The following COL24A1 variants were observed in gnomAD, a reference collection of about 807,000 sequenced individuals.
COL24A1 encodes the protein collagen type XXIV alpha 1 chain, also known as collagen alpha-1(XXIV) chain.
Under a neutral mutation model 253.9 loss-of-function variants are expected in COL24A1, and 224 were observed. The ratio of observed to expected loss-of-function variants is 0.88; its 90% CI spans 0.79 to 0.99. The LOEUF (loss-of-function observed/expected upper bound fraction) is 0.99. COL24A1 is among the 50% of genes least tolerant of loss of function. The probability of loss-of-function intolerance (pLI) is 0.00; values close to 1 mark genes in which losing one functional copy is unlikely to be tolerated. For synonymous variants in COL24A1, 685 were observed against 673.7 expected, an observed-to-expected ratio of 1.02 and a Z score of -0.26; for missense variants, 2,131 against 2,068.5, an observed-to-expected ratio of 1.03 and a Z score of -0.59.
intron 24 of COL24A1, among the ~76,000 whole-genome samples, chr1:85,960,243 TATCTA>T (rs1690890994): frequency 6.6e-6 from 1 of 152,206 alleles, no homozygotes; most frequent in Non-Finnish European, 1.5e-5. Flanking sequence ...GAAATAATAT[TATCTA>T]TTTTGTGACA....
At chr1:86,048,984 T>G (rs1700113156) in intron 11 of COL24A1, among the ~76,000 whole-genome samples, 1 of 152,198 alleles carries the variant, frequency 6.6e-6, no homozygotes, top group Non-Finnish European at 1.5e-5. Flanking sequence ...AGAAAAGGAT[T>G]GTTATCACGA....
chr1:85,754,550 T>A (rs11485261), intron 55 of COL24A1, among the ~76,000 whole-genome samples: 445 of 110,752 alleles, frequency 4.0e-3, no homozygotes, highest in East Asian at 4.7e-3. Flanking sequence ...AAAAAAAAAT[T>A]AAAAAAAAAA....
intron 37 of COL24A1, among the ~76,000 whole-genome samples, chr1:85,867,114 TTTG>T (rs1418437016): frequency 6.6e-6 from 1 of 152,212 alleles, no homozygotes; most frequent in Non-Finnish European, 1.5e-5. Flanking sequence ...ATTTAAGATA[TTTG>T]TTGTTTTCTT....
intron 57 of COL24A1, among the ~76,000 whole-genome samples, chr1:85,738,891 T>C (rs1030236150): frequency 7.2e-5 from 11 of 152,132 alleles, no homozygotes; most frequent in African/African-American, 2.7e-4. Context: ...TTAGTGTGCA[T>C]CAAACCATCA....
intron 23 of COL24A1, 58 bp downstream of exon 23, chr1:85,964,951 T>C: frequency 6.9e-7 from 1 of 1,454,664 alleles, no homozygotes; most frequent in Non-Finnish European, 9.5e-7. Context: ...ATGAAAGTCA[T>C]AATTTTATCT....
chr1:86,092,210 T>C (rs930371296), intron 6 of COL24A1, 57 bp downstream of exon 6: 12 of 1,344,794 alleles, frequency 8.9e-6, no homozygotes, highest in Non-Finnish European at 8.3e-6. Context: ...ATGCTTAAAT[T>C]ATTTTAAAAT....
intron 19 of COL24A1, among the ~76,000 whole-genome samples, chr1:86,009,626 C>T (rs1412787732): frequency 6.6e-6 from 1 of 151,990 alleles, no homozygotes; most frequent in Non-Finnish European, 1.5e-5. Flanking sequence ...CTGTATAGGG[C>T]ACTTACCATG....
Position 85,889,592 on chromosome 1 carries a change from T to C in COL24A1, c.2944A>G (p.Ser982Gly). The C allele has an allele frequency of 6.2e-7, 1 of 1,613,322 alleles. No homozygotes were observed. Among genetic ancestry groups the C allele is most frequent in the Non-Finnish European group, 8.5e-7 (1 of 1,179,448 alleles). The stretch of plus-strand genomic sequence containing the variant: ...CCTGGAAGTCCTCTGTCACCTGTAC[T>C]TCCAGGCAATCCCTGTAAACCCTGG... Reference protein sequence around the residue: ...GKPGLQGLPGSTGDRGLPGEP... With the variant: ...GKPGLQGLPGGTGDRGLPGEP... Residue 982 changes from serine (S) to glycine (G), a missense_variant, in exon 32 of 60, where the codon AGT (serine) becomes GGT (glycine). Physicochemically the swap from Ser to Gly is moderately conservative, Grantham distance 56. Coordinates refer to ENST00000370571, the MANE Select transcript of COL24A1 (RefSeq NM_152890.7).
At chr1:86,122,288 A>G (rs1404769895) in intron 3 of COL24A1, among the ~76,000 whole-genome samples, 1 of 151,628 alleles carries the variant, frequency 6.6e-6, no homozygotes, top group Admixed American at 6.6e-5. Context: ...TCATATTTTG[A>G]TATCACTATT....
Position 85,868,607 on chromosome 1 carries a change from C to T in COL24A1, c.3212G>A (p.Gly1071Glu), listed in dbSNP as rs971746775. Reference sequence around the variant, plus strand: ...TTTTTCTCCATCCTCTCCAGGAAGTCCCCTTCCTCCTGGTACTCCCTGTAA... The same window carrying T: ...TTTTTCTCCATCCTCTCCAGGAAGTTCCCTTCCTCCTGGTACTCCCTGTAA... The part of the protein sequence containing the change: ...DGLKGVPGGR[G>E]LPGEDGEKGE... Residue 1071 changes from glycine (G) to glutamate (E), a missense_variant, in exon 37 of 60, where the codon GGA (glycine) becomes GAA (glutamate). Physicochemically the swap from Gly to Glu is moderately conservative, Grantham distance 98. Coordinates refer to ENST00000370571, the MANE Select transcript of COL24A1 (RefSeq NM_152890.7). 3 of 1,613,392 alleles carry T rather than the reference C, an allele frequency of 1.9e-6. No homozygotes were observed. Among genetic ancestry groups the T allele is most frequent in the East Asian group, 2.2e-5 (1 of 44,856 alleles).
chr1:85,860,749 A>G (rs970941549), intron 37 of COL24A1, among the ~76,000 whole-genome samples: 6 of 152,214 alleles, frequency 3.9e-5, no homozygotes, highest in African/African-American at 1.4e-4. Flanking sequence ...TCAAAAACAA[A>G]AAGAAATAAA....
chr1:85,955,569 G>A (rs570407594), intron 24 of COL24A1, among the ~76,000 whole-genome samples: 2 of 150,794 alleles, frequency 1.3e-5, no homozygotes, highest in South Asian at 2.1e-4. Flanking sequence ...AAAATGCTAC[G>A]CACTACCTGC....
chr1:85,945,002 G>T (rs12746560), intron 24 of COL24A1, among the ~76,000 whole-genome samples: 17,828 of 35,562 alleles, frequency 0.5, 3,683 homozygotes, highest in East Asian at 0.65. Flanking sequence ...CTATCATTGT[G>T]TTTTTTTTTT....
At chr1:85,906,217 A>T (rs1304302129) in intron 28 of COL24A1, among the ~76,000 whole-genome samples, 2 of 137,490 alleles carry the variant, frequency 1.5e-5, no homozygotes, top group Non-Finnish European at 3.1e-5. Context: ...CAAACTGGGA[A>T]TTCATTAACA....
At chr1:85,858,665 T>TTCCTTCCTTCCC (rs1678773975) in intron 37 of COL24A1, among the ~76,000 whole-genome samples, 1 of 147,682 alleles carries the variant, frequency 6.8e-6, no homozygotes, top group Non-Finnish European at 1.5e-5. Context: ...CCTTCCTTCC[T>TTCCTTCCTTCCC]TCCTTCCTTC....
Position 86,072,033 on chromosome 1 carries a change from C to T in COL24A1, c.1708-8274G>A, listed in dbSNP as rs973681522. On this transcript the variant is annotated intron_variant, in intron 7 of 59. Transcript: ENST00000370571. ...AAACCTGCAGACCAGGAGATTCCCT[C>T]GGACGCCTACACCACCAAGGGCCTG... Among the ~76,000 whole-genome samples, 7 of 152,174 alleles carry T rather than the reference C, an allele frequency of 4.6e-5. No homozygotes were observed. The East Asian group carries it at 1.3e-3, about 29-fold the overall frequency.
chr1:85,741,288 G>T (rs1165982520), intron 57 of COL24A1, among the ~76,000 whole-genome samples: 1 of 152,132 alleles, frequency 6.6e-6, no homozygotes, highest in African/African-American at 2.4e-5. Flanking sequence ...TTGTGTGTTT[G>T]GTTGTTGATT....
Position 86,123,867 on chromosome 1 carries a change from A to G in COL24A1, c.1491+978T>C, listed in dbSNP as rs1437289095. On this transcript the variant is annotated intron_variant, in intron 3 of 59. Coordinates refer to ENST00000370571, the MANE Select transcript of COL24A1 (RefSeq NM_152890.7). ...TAGGAATAACCACAAAGGAAACACA[A>G]GCTAAAAGACTGGCTTCACCTTCTC... Among the ~76,000 whole-genome samples, 3 of 151,970 alleles carry G rather than the reference A, an allele frequency of 2.0e-5. No homozygotes were observed. The East Asian group carries it at 5.8e-4, about 29-fold the overall frequency.
At chr1:85,882,727 A>G (rs1485986728) in intron 32 of COL24A1, among the ~76,000 whole-genome samples, 1 of 152,178 alleles carries the variant, frequency 6.6e-6, no homozygotes, top group Non-Finnish European at 1.5e-5. Flanking sequence ...CTATAATAAT[A>G]GAGTCATCTA....
Sources: gnomAD v4.1 joint callset for allele counts (sites outside exome capture counted in the v4.1 genomes callset) on GRCh38, gnomAD v4.1.1 for gene constraint, MANE v1.5 for transcripts, NCBI Gene and HGNC (gene_info 2026-07-23, HGNC 2026-07-21) for gene names.